The following ACTN1 variants were observed in gnomAD, a reference collection of about 807,000 sequenced individuals.
The protein encoded by ACTN1 is actinin alpha 1, also known as alpha-actinin-1.
ACTN1 carries 30 observed loss-of-function variants against 119.6 expected under a neutral mutation model. That is an observed-to-expected ratio of 0.25 (90% CI 0.19 to 0.34). The LOEUF is 0.34. Among genes scored for constraint, ACTN1 ranks in the 10% least tolerant of loss-of-function variants. The pLI is 1.00. For synonymous variants in ACTN1, 429 were observed against 472.6 expected (o/e 0.91, Z 1.20); for missense variants, 764 against 1,223.4 (o/e 0.62, Z 5.60).
At chr14:68,911,893 C>CAAT (rs988761397) in intron 4 of ACTN1, among the ~76,000 whole-genome samples, 1 of 152,212 alleles carries the variant, frequency 6.6e-6, no homozygotes, top group Non-Finnish European at 1.5e-5. Context: ...GTGGGTTTTC[C>CAAT]AATATACTTC....
chr14:68,902,418 T>C (rs2033399013), intron 8 of ACTN1, 59 bp downstream of exon 8: 1 of 1,411,772 alleles, frequency 7.1e-7, no homozygotes, highest in East Asian at 2.3e-5. Context: ...CAGGAGGACA[T>C]GGTTTGGGGT....
At chr14:68,962,993 A>G (rs1257431979) in intron 1 of ACTN1, among the ~76,000 whole-genome samples, 1 of 151,712 alleles carries the variant, frequency 6.6e-6, no homozygotes, top group Non-Finnish European at 1.5e-5. Context: ...CCCACTCCCA[A>G]ATATCTTTCA....
chr14:68,916,774 G>C (rs529274205), intron 3 of ACTN1, among the ~76,000 whole-genome samples: 1 of 152,314 alleles, frequency 6.6e-6, no homozygotes, highest in South Asian at 2.1e-4. Context: ...CTGTAATGTA[G>C]ACCTTCTTGG....
intron 4 of ACTN1, among the ~76,000 whole-genome samples, chr14:68,911,708 T>TGTG (rs1043856029): frequency 1.3e-5 from 2 of 151,900 alleles, no homozygotes; most frequent in African/African-American, 4.8e-5. Flanking sequence ...ACTGCCCGAG[T>TGTG]GTGGAATCAA....
At chr14:68,950,928 A>T (rs941932239) in intron 1 of ACTN1, among the ~76,000 whole-genome samples, 3 of 152,172 alleles carry the variant, frequency 2.0e-5, no homozygotes, top group African/African-American at 7.2e-5. Flanking sequence ...AAAACATTTC[A>T]AATTGTGATT....
rs2033862611 is a variant in ACTN1, at chr14:68,909,406, G to C, written c.516-10C>G. Reference sequence around the variant, plus strand: ...GAGGCCATCCTTCCAGCTGCCCGGGGAGAGAGAAGAAGGAGCAGGCTGGTA... The same window carrying C: ...GAGGCCATCCTTCCAGCTGCCCGGGCAGAGAGAAGAAGGAGCAGGCTGGTA... On this transcript the variant is annotated splice_polypyrimidine_tract_variant and intron_variant, in intron 5 of 21. Transcript: ENST00000394419. This position sits in a 1 kb window ranked among gnomAD's most constrained non-coding sequence, Gnocchi z 4.1. 1 of 1,613,766 alleles carries C rather than the reference G, an allele frequency of 6.2e-7. No individual in the cohort carries two copies. Among genetic ancestry groups the C allele is most frequent in the African/African-American group, 1.3e-5 (1 of 74,920 alleles).
chr14:68,906,844 C>A (rs1487569609), intron 6 of ACTN1, among the ~76,000 whole-genome samples: 1 of 152,104 alleles, frequency 6.6e-6, no homozygotes, highest in East Asian at 1.9e-4. Context: ...GGAGTGGAAG[C>A]CAGGTGTGGT....
rs986587863 is a variant in ACTN1 at position 68,888,079 on chromosome 14, G to A, written c.1234+2060C>T. 7.2e-6 allele frequency: 5 copies of A among 694,426 alleles called. No individual in the cohort carries two copies. In the East Asian group the frequency reaches 1.4e-4, roughly 19 times the overall value. The allele number at this position is 694,426 out of a possible 1,614,324, so 43.0% of individuals were successfully genotyped here. A position where few individuals can be genotyped will look rare whatever the true frequency, so the allele number is the denominator to read the frequency against. On this transcript the variant is annotated intron_variant, in intron 11 of 21. Transcript: ENST00000394419. ...CTTCAGCAGAGCTGACCTTCCCCTT[G>A]GGCATCCTGGCGGCAGGGAGGGCGC... is the stretch of plus-strand genomic sequence containing the variant.
chr14:68,896,686 C>T (rs1023069942), intron 8 of ACTN1, among the ~76,000 whole-genome samples: 7 of 152,122 alleles, frequency 4.6e-5, no homozygotes, highest in Admixed American at 3.9e-4. Context: ...GAAGCAGCTT[C>T]AGAAGCAACT....
intron 13 of ACTN1, 43 bp from the exon 14 acceptor site, chr14:68,884,351 A>G (rs375980918): frequency 6.3e-7 from 1 of 1,582,100 alleles, no homozygotes; most frequent in South Asian, 1.1e-5. Flanking sequence ...AGTGATGTCC[A>G]GAATCATCCC....
chr14:68,882,947 AGGTC>A lies in ACTN1; in HGVS notation c.1740_1743del (p.Gln580HisfsTer38). 1 of 1,614,172 alleles carries A rather than the reference AGGTC, an allele frequency of 6.2e-7. No homozygotes were observed. Among genetic ancestry groups the A allele is most frequent in the Non-Finnish European group, 8.5e-7 (1 of 1,180,036 alleles). On this transcript the variant is annotated frameshift_variant, in exon 15 of 22. Transcript: ENST00000394419. LOFTEE classifies it high-confidence loss of function. The surrounding 1 kb of genome is among the most constrained non-coding windows in gnomAD (Gnocchi z 4.5). ...TTGGTGCCCGCCATATTGACGTGGTAGGTCTGGACAATCTTGGACACCTCATTGT... is the reference window on the plus strand; with the variant it reads ...TTGGTGCCCGCCATATTGACGTGGTATGGACAATCTTGGACACCTCATTGT...
At chr14:68,926,549 T>C (rs1310304741) in intron 1 of ACTN1, among the ~76,000 whole-genome samples, 1 of 152,226 alleles carries the variant, frequency 6.6e-6, no homozygotes, top group African/African-American at 2.4e-5. Flanking sequence ...GCTCCCTTGC[T>C]TTAGATCTAA....
intron 3 of ACTN1, 143 bp from the exon 4 acceptor site, chr14:68,912,385 T>G: frequency 2.9e-6 from 2 of 693,916 alleles, no homozygotes; most frequent in Non-Finnish European, 4.9e-6. Flanking sequence ...ACAGGATTTT[T>G]GCTTGTTTTT....
At chr14:68,918,541 C>T (rs553229346) in intron 3 of ACTN1, among the ~76,000 whole-genome samples, 4 of 151,558 alleles carry the variant, frequency 2.6e-5, no homozygotes, top group African/African-American at 4.8e-5. Context: ...GTCAAGATCG[C>T]CCCTCTACAC....
chr14:68,948,288 T>G (rs2036007692), intron 1 of ACTN1, among the ~76,000 whole-genome samples: 1 of 152,082 alleles, frequency 6.6e-6, no homozygotes, highest in Admixed American at 6.5e-5. Context: ...AGAAGTAGGG[T>G]TTTCTGGCTG....
At chr14:68,904,585 C>A in intron 7 of ACTN1, 70 bp downstream of exon 7, 1 of 1,449,402 alleles carries the variant, frequency 6.9e-7, no homozygotes, top group South Asian at 1.2e-5. Context: ...CTGCTGGGGT[C>A]CACCCCTTCT....
Position 68,892,170 on chromosome 14 carries a change from G to A in ACTN1, c.969C>T (p.His323=). 4 of 1,614,172 alleles carry A rather than the reference G, an allele frequency of 2.5e-6. No homozygotes were observed. The highest frequency in any genetic ancestry group is 3.4e-6 in the Non-Finnish European group (4 of 1,180,028). ...ACTTCTCCTGCACCTTGGGCGGCTT[G>A]TGCAGGCGCCGGTAGTCCCGGAAGT... ...LEDFRDYRRL[H]KPPKVQEKCQ... is the part of the protein sequence containing the mutation. The change falls in exon 10 of 22, where the codon CAC becomes CAT. Residue 323 remains histidine, a synonymous_variant. Transcript: ENST00000394419.
At chr14:68,928,486 G>A (rs1425799085) in intron 1 of ACTN1, among the ~76,000 whole-genome samples, 2 of 152,088 alleles carry the variant, frequency 1.3e-5, no homozygotes, top group Admixed American at 1.3e-4. Context: ...TGGTGGCTGT[G>A]ACCCGGTGAT....
At chr14:68,899,637 T>G (rs1258108933) in intron 8 of ACTN1, among the ~76,000 whole-genome samples, 2 of 151,694 alleles carry the variant, frequency 1.3e-5, no homozygotes. Context: ...CACACCCACT[T>G]CATACCCACT....
Sources: gnomAD v4.1 joint callset for allele counts (sites outside exome capture counted in the v4.1 genomes callset) on GRCh38, gnomAD v4.1.1 for gene constraint, Gnocchi (gnomAD v3.1) non-coding constraint, MANE v1.5 for transcripts, NCBI Gene and HGNC (gene_info 2026-07-23, HGNC 2026-07-21) for gene names.